ZSWIM2: variants seen among roughly 807,000 people sequenced by gnomAD.
ZSWIM2 encodes the protein zinc finger SWIM-type containing 2.
Under a neutral mutation model 48.4 loss-of-function variants are expected in ZSWIM2, and 38 were observed. That is an observed-to-expected ratio of 0.79 (90% confidence interval 0.61 to 1.03). The LOEUF (loss-of-function observed/expected upper bound fraction) is 1.03, where lower values mean the gene tolerates loss of function less well. ZSWIM2 is among the 50% of genes least tolerant of loss of function. The pLI is 0.00. For synonymous variants in ZSWIM2, 240 were observed against 251.3 expected, an observed-to-expected ratio of 0.96 and a Z score of 0.42; for missense variants, 776 against 730.2, an observed-to-expected ratio of 1.06 and a Z score of -0.72.
intron 2 of ZSWIM2, among the ~76,000 whole-genome samples, chr2:186,845,989 A>G (rs1250722876): frequency 6.6e-6 from 1 of 151,934 alleles, no homozygotes; most frequent in Non-Finnish European, 1.5e-5. Flanking sequence ...TTAACTCAAG[A>G]TGGATTAAAG....
intron 2 of ZSWIM2, among the ~76,000 whole-genome samples, chr2:186,846,804 C>CATATATATATATATAT (rs1482636097): frequency 5.0e-5 from 2 of 39,778 alleles, no homozygotes; most frequent in African/African-American, 2.7e-4. Context: ...TATACACACA[C>CATATATATATATATAT]ACACACATAT....
Position 186,829,870 on chromosome 2 carries a change from T to C in ZSWIM2, c.952A>G (p.Thr318Ala), listed in dbSNP as rs1445706201. The C allele has an allele frequency of 6.2e-7, 1 of 1,613,432 alleles. No homozygotes were observed. The highest frequency in any genetic ancestry group is 1.1e-5 in the South Asian group (1 of 91,016). Residue 318 changes from threonine (T) to alanine (A), a missense_variant, in exon 8 of 9, where the codon ACA becomes GCA. Transcript: ENST00000295131. ...HFQEKQGQVY[T>A]PKHIVRSLPL... Reference sequence around the variant, plus strand: ...AGTGATCTTACAATGTGTTTTGGTGTGTAAACTTGGCTGAATGAGAATAAG... The same window carrying C: ...AGTGATCTTACAATGTGTTTTGGTGCGTAAACTTGGCTGAATGAGAATAAG...
rs1323995408 is a variant in ZSWIM2, at chr2:186,827,543, G to GT, written c.*440dup. ...ATGTATAAGAAAACTCCTTTATGGA[G>GT]TTTTTTAAGGTTTTTTTTTATAGGT... On this transcript the variant is annotated 3_prime_UTR_variant, in exon 9 of 9. Coordinates refer to ENST00000295131, the MANE Select transcript of ZSWIM2 (RefSeq NM_182521.3). Among the ~76,000 whole-genome samples the GT allele has an allele frequency of 5.0e-5, 7 of 141,122 alleles. No homozygotes were observed. The highest frequency in any genetic ancestry group is 1.7e-4 in the African/African-American group (7 of 40,174). 92.6% of individuals were successfully genotyped at this position (141,122 alleles called of 152,430 possible).
intron 6 of ZSWIM2, among the ~76,000 whole-genome samples, chr2:186,833,717 C>T (rs544124010): frequency 7.9e-5 from 12 of 152,104 alleles, no homozygotes; most frequent in Non-Finnish European, 1.8e-4. Flanking sequence ...TTCATAATGT[C>T]ATCAGATGTT....
rs566933535 is a variant in ZSWIM2, at chr2:186,848,599, A to G, written c.165+367T>C. On this transcript the variant is annotated intron_variant, in intron 1 of 8. Coordinates refer to ENST00000295131, the MANE Select transcript of ZSWIM2 (RefSeq NM_182521.3). ...TATTTACAGTATGCTAGCAGATTGT[A>G]GAATTTTCATTTCGTTTGATTTACA... 6.2e-5 allele frequency: 11 copies of G among 176,770 alleles called. No homozygotes were observed. The East Asian group carries it at 1.4e-3, about 23-fold the overall frequency. The allele number at this position is 176,770 out of a possible 1,614,324, so 11.0% of individuals were successfully genotyped here. A position where few individuals can be genotyped will look rare whatever the true frequency, so the allele number is the denominator to read the frequency against.
At chr2:186,835,679 A>G (rs773919479) in intron 5 of ZSWIM2, among the ~76,000 whole-genome samples, 3 of 152,244 alleles carry the variant, frequency 2.0e-5, no homozygotes, top group Non-Finnish European at 4.4e-5. Context: ...GAAGGAATGA[A>G]GAAACTTTCT....
chr2:186,847,373 A>G (rs1692023726), intron 2 of ZSWIM2, among the ~76,000 whole-genome samples: 1 of 152,102 alleles, frequency 6.6e-6, no homozygotes, highest in South Asian at 2.1e-4. Flanking sequence ...TTGTGGAAGC[A>G]CAGCAATATC....
intron 8 of ZSWIM2, among the ~76,000 whole-genome samples, chr2:186,829,270 T>C (rs1254899737): frequency 5.3e-5 from 8 of 152,142 alleles, no homozygotes; most frequent in African/African-American, 1.9e-4. Context: ...GAAAAAAAGT[T>C]GGTTATCAAC....
rs139143627 is a variant in ZSWIM2, at chr2:186,836,738, A to C, written c.743+568T>G. On this transcript the variant is annotated intron_variant, in intron 5 of 8. Transcript: ENST00000295131. ...TATGTTTTATCGTGAGAATTGTGGG[A>C]AAGTTTGGGGGTTACTCACAGTGAA... is the stretch of plus-strand genomic sequence containing the variant. 6.9e-3 allele frequency among the ~76,000 whole-genome samples: 1,043 copies of C among 152,224 alleles called. 13 individuals are homozygous for C. The highest frequency in any genetic ancestry group is 0.024 in the African/African-American group (992 of 41,540).
chr2:186,846,810 C>CATATATATATATATAT (rs36111849), intron 2 of ZSWIM2, among the ~76,000 whole-genome samples: 222 of 143,756 alleles, frequency 1.5e-3, no homozygotes, highest in South Asian at 9.2e-3. Context: ...CACACACACA[C>CATATATATATATATAT]ATATATATAT....
intron 3 of ZSWIM2, 73 bp from the exon 4 acceptor site, chr2:186,839,242 A>C: frequency 7.4e-7 from 1 of 1,356,084 alleles, no homozygotes; most frequent in Non-Finnish European, 1.0e-6. Flanking sequence ...ACTTATGCTG[A>C]AAGTTAGAAT....
chr2:186,838,914 A>G (rs766000917), intron 4 of ZSWIM2, 45 bp downstream of exon 4: 23 of 1,546,814 alleles, frequency 1.5e-5, no homozygotes, highest in Non-Finnish European at 2.0e-5. Context: ...AATATGTTTT[A>G]GAATTTTTAA....
chr2:186,847,719 C>T lies in ZSWIM2; in HGVS notation c.242G>A (p.Trp81Ter), dbSNP rs370985495. 1.6e-5 allele frequency: 25 copies of T among 1,597,980 alleles called. No individual in the cohort carries two copies. The African/African-American group carries it at 2.3e-4, about 15-fold the overall frequency. The change falls in exon 2 of 9, where the codon TGG becomes TAG. Residue 81 changes from tryptophan to a stop codon, truncating the protein, a stop_gained and splice_region_variant. Coordinates refer to ENST00000295131, the MANE Select transcript of ZSWIM2 (RefSeq NM_182521.3). LOFTEE classifies it high-confidence loss of function. ...GATCTTCATTTGAAAAGTCACTTAC[C>T]AGCAGATATGCTTACAAAGTTCCCC... ...KGGELCKHIC[W>*]VLLKKFKLPR...
chr2:186,845,068 G>A (rs143398839), intron 2 of ZSWIM2, among the ~76,000 whole-genome samples: 1 of 151,542 alleles, frequency 6.6e-6, no homozygotes, highest in African/African-American at 2.4e-5. Flanking sequence ...GGGGATTTAG[G>A]TTTTTATGGT....
intron 8 of ZSWIM2, among the ~76,000 whole-genome samples, chr2:186,829,379 C>T (rs1007151368): frequency 5.9e-5 from 9 of 152,080 alleles, no homozygotes; most frequent in African/African-American, 1.4e-4. Context: ...TTAGGCATTT[C>T]TGTTTCATCT....
chr2:186,838,979 C>A lies in ZSWIM2; in HGVS notation c.474G>T (p.Lys158Asn), dbSNP rs1441160664. ...ATCACCTGCAAAAGGTGACAGGAAG[C>A]TTTTTCTCTAAAAGTAGCTCTTGAC... ...SICQELLLEK[K>N]LPVTFCRFGC... The change falls in exon 4 of 9, where the codon AAG (lysine) becomes AAT (asparagine). Residue 158 changes from lysine to asparagine, a missense_variant. Transcript: ENST00000295131. 26 of 1,607,342 alleles carry A rather than the reference C, an allele frequency of 1.6e-5. No homozygotes were observed. The highest frequency in any genetic ancestry group is 2.0e-5 in the Non-Finnish European group (24 of 1,176,104).
At position 186,834,938 on chromosome 2, in the gene ZSWIM2, G is replaced by A. The variant is rs115471351; in HGVS notation, c.744-908C>T. Among the ~76,000 whole-genome samples, 1,047 of 152,210 alleles carry A rather than the reference G, an allele frequency of 6.9e-3. 13 individuals carry two copies. The highest frequency in any genetic ancestry group is 0.024 in the African/African-American group (993 of 41,552). ...CCTCTATGACATACAAGTTCTGGGC[G>A]TAAGGATGTGGACGTTTTAGGAAGT... On this transcript the variant is annotated intron_variant, in intron 5 of 8. Transcript: ENST00000295131.
At chr2:186,832,906 GCCACATA>G (rs1691728469) in intron 7 of ZSWIM2, among the ~76,000 whole-genome samples, 2 of 152,126 alleles carry the variant, frequency 1.3e-5, no homozygotes, top group Admixed American at 1.3e-4. Flanking sequence ...TAGTCCACAA[GCCACATA>G]GCCAATGTGT....
At chr2:186,844,549 A>C (rs909821546) in intron 3 of ZSWIM2, among the ~76,000 whole-genome samples, 168 bp downstream of exon 3, 44 of 151,510 alleles carry the variant, frequency 2.9e-4, no homozygotes, top group Non-Finnish European at 5.8e-4. Flanking sequence ...AAGATGAAAA[A>C]TGTTCCAAGT....
Sources: allele counts gnomAD v4.1 joint callset (sites outside exome capture counted in the v4.1 genomes callset), GRCh38; gene constraint gnomAD v4.1.1; transcripts MANE v1.5; gene names NCBI Gene and HGNC (gene_info 2026-07-23, HGNC 2026-07-21).